The following PADI1 variants were observed in gnomAD, a reference collection of about 807,000 sequenced individuals.
PADI1 encodes the protein protein-arginine deiminase type-1.
PADI1 carries 65 observed loss-of-function variants against 74.8 expected under a neutral mutation model. That is an observed-to-expected ratio of 0.87 (90% CI 0.71 to 1.07). The LOEUF (loss-of-function observed/expected upper bound fraction) is 1.07, where lower values mean the gene tolerates loss of function less well. Among genes scored for constraint, PADI1 ranks in the 50% least tolerant of loss-of-function variants. The pLI is 0.00. For synonymous variants in PADI1, 371 were observed against 336.2 expected (o/e 1.10, Z -1.13); for missense variants, 943 against 854.0 (o/e 1.10, Z -1.30).
chr1:17,233,702 G>A (rs1481161224), intron 11 of PADI1, among the ~76,000 whole-genome samples: 1 of 152,218 alleles, frequency 6.6e-6, no homozygotes, highest in East Asian at 1.9e-4. Flanking sequence ...TCACCTTCCT[G>A]TTTGTGGGGT....
chr1:17,206,025 G>A (rs1013151188), intron 1 of PADI1, among the ~76,000 whole-genome samples: 8 of 152,156 alleles, frequency 5.3e-5, no homozygotes, highest in East Asian at 1.9e-4. Context: ...ATGGGGACTC[G>A]GGGACTCAGC....
chr1:17,229,768 G>A (rs1051099369), intron 8 of PADI1, among the ~76,000 whole-genome samples: 2 of 152,152 alleles, frequency 1.3e-5, no homozygotes, highest in Non-Finnish European at 2.9e-5. Context: ...GGGGCTACCT[G>A]CCCCTCACTG....
chr1:17,230,680 G>C lies in PADI1; in HGVS notation c.1161+1G>C. The C allele has an allele frequency of 2.5e-6, 4 of 1,576,924 alleles. No individual in the cohort carries two copies. Among genetic ancestry groups the C allele is most frequent in the African/African-American group, 1.3e-5 (1 of 74,304 alleles). ...AGATTTCCCCTATAAGAGGATCCTG[G>C]TACGTAGCGACAGGTAGAGTGCAGA... On this transcript the variant is annotated splice_donor_variant, in intron 10 of 15. Coordinates refer to ENST00000375471, the MANE Select transcript of PADI1 (RefSeq NM_013358.3). LOFTEE classifies it high-confidence loss of function.
chr1:17,237,530 C>T (rs2072675225), intron 12 of PADI1, 72 bp downstream of exon 12: 6 of 1,419,164 alleles, frequency 4.2e-6, no homozygotes, highest in Non-Finnish European at 4.8e-6. Context: ...CAGGGCAAAG[C>T]CATCTGGAAC....
At chr1:17,236,387 T>C (rs1051128188) in intron 11 of PADI1, among the ~76,000 whole-genome samples, 11 of 152,182 alleles carry the variant, frequency 7.2e-5, no homozygotes, top group African/African-American at 2.7e-4. Context: ...GTAAAGCATG[T>C]GTGTGGCACA....
In PADI1 at chr1:17,244,140, T is replaced by G. The variant is rs2072832975; in HGVS notation, c.1889T>G (p.Ile630Ser). ...CCTCTGGGCCTGCACTGCATCTTCA[T>G]TGATGACTACTTGTCCTACCACGAG... The part of the protein sequence containing the change: ...LEPLGLHCIF[I>S]DDYLSYHELQ... The change falls in exon 16 of 16, where the codon ATT (isoleucine) becomes AGT (serine). Residue 630 changes from isoleucine to serine, a missense_variant. By Grantham distance (142) the Ile-to-Ser change is moderately radical (BLOSUM62 -2). Transcript: ENST00000375471. 6.2e-7 allele frequency: 1 copy of G among 1,614,210 alleles called. No individual in the cohort carries two copies. The highest frequency in any genetic ancestry group is 1.7e-5 in the Admixed American group (1 of 60,028).
intron 13 of PADI1, 169 bp from the exon 14 acceptor site, chr1:17,239,535 C>T: frequency 1.7e-6 from 1 of 579,788 alleles, no homozygotes; most frequent in Non-Finnish European, 3.2e-6. Flanking sequence ...TCCTTGCAGC[C>T]ATGGCTTGGT....
intron 15 of PADI1, 29 bp downstream of exon 15, chr1:17,240,789 G>T (rs372229039): frequency 6.2e-7 from 1 of 1,605,878 alleles, no homozygotes; most frequent in African/African-American, 1.3e-5. Flanking sequence ...GGTCCTGCTG[G>T]GGGGTCTGCG....
chr1:17,237,316 C>T lies in PADI1; in HGVS notation c.1316C>T (p.Ser439Phe), dbSNP rs2072667768. Residue 439 changes from serine to phenylalanine, a missense_variant and splice_region_variant, in exon 12 of 16, where the codon TCC (serine) becomes TTC (phenylalanine). Physicochemically the swap from Ser to Phe is radical, Grantham distance 155 (BLOSUM62 -2). Coordinates refer to ENST00000375471, the MANE Select transcript of PADI1 (RefSeq NM_013358.3). ...RILIGSSFPK[S>F]GGRQMARAVR... ...CCCGCCCTCTCCCTCCTGGCCAGGT[C>T]CGGTGGGCGGCAGATGGCCAGGGCA... The T allele has an allele frequency of 1.2e-6, 2 of 1,607,590 alleles. No homozygotes were observed. The highest frequency in any genetic ancestry group is 1.7e-6 in the Non-Finnish European group (2 of 1,176,590).
At chr1:17,231,456 C>T (rs575223079) in intron 10 of PADI1, among the ~76,000 whole-genome samples, 40 of 152,278 alleles carry the variant, frequency 2.6e-4, no homozygotes, top group Admixed American at 5.9e-4. Flanking sequence ...ACTGCTGGGA[C>T]GGTGATGGTC....
At chr1:17,222,580 C>T (rs758731537) in intron 2 of PADI1, 110 bp downstream of exon 2, 3 of 835,196 alleles carry the variant, frequency 3.6e-6, no homozygotes, top group Non-Finnish European at 5.9e-6. Flanking sequence ...AACCAAACCT[C>T]ACAAAGCTTA....
rs139052576 is a variant in PADI1, at chr1:17,232,920, C to T, written c.1263C>T (p.Gly421=). The T allele has an allele frequency of 1.8e-3, 2,978 of 1,612,290 alleles. 33 individuals carry two copies. The Admixed American group carries it at 0.024, about 13-fold the overall frequency. The change falls in exon 11 of 16, where the codon GGC becomes GGT. Residue 421 remains glycine, a synonymous_variant. Coordinates refer to ENST00000375471, the MANE Select transcript of PADI1 (RefSeq NM_013358.3). The part of the protein sequence containing the change: ...NLDVSPPVTV[G]GTEYPLGRIL... ...ACGTCAGCCCGCCCGTCACGGTGGG[C>T]GGCACGGAATACCCCCTGGGCCGGA...
Position 17,233,653 on chromosome 1 carries a change from T to C in PADI1, c.1313+683T>C, listed in dbSNP as rs1279748493. ...TCAGGGTCCTGGTGGGTCCCCCTGTTTCCTCCCTGGAGATGACACCCACTG... is the reference window on the plus strand; with the variant it reads ...TCAGGGTCCTGGTGGGTCCCCCTGTCTCCTCCCTGGAGATGACACCCACTG... On this transcript the variant is annotated intron_variant, in intron 11 of 15. Coordinates refer to ENST00000375471, the MANE Select transcript of PADI1 (RefSeq NM_013358.3). 5.9e-5 allele frequency among the ~76,000 whole-genome samples: 9 copies of C among 152,236 alleles called. No homozygotes were observed. The East Asian group carries it at 1.7e-3, about 29-fold the overall frequency.
chr1:17,205,339 C>A (rs776290104), intron 1 of PADI1, 30 bp downstream of exon 1: 10 of 1,556,270 alleles, frequency 6.4e-6, no homozygotes, highest in Non-Finnish European at 8.9e-6. Context: ...CTCCTGGCTG[C>A]AGAGAGCTGG....
rs1366117848 is a variant in PADI1, at chr1:17,226,072, G to T, written c.566G>T (p.Gly189Val). 6.2e-7 allele frequency: 1 copy of T among 1,614,150 alleles called. No individual in the cohort carries two copies. Among genetic ancestry groups the T allele is most frequent in the East Asian group, 2.2e-5 (1 of 44,884 alleles). The change falls in exon 6 of 16, where the codon GGC (glycine) becomes GTC (valine). Residue 189 changes from glycine (G) to valine (V), a missense_variant. By Grantham distance (109) the Gly-to-Val change is moderately radical. Transcript: ENST00000375471. ...DMSPMLLSCN[G>V]PDKLFDSHKL... ...TCCCCAATGCTGCTGAGCTGCAATG[G>T]CCCCGACAAGCTCTTCGACAGCCAC...
intron 4 of PADI1, 107 bp downstream of exon 4, chr1:17,224,535 C>T (rs1557464453): frequency 1.1e-6 from 1 of 879,836 alleles, no homozygotes; most frequent in East Asian, 2.6e-5. Context: ...TCCCCAGGGT[C>T]TGTAGTATCC....
Position 17,232,903 on chromosome 1 carries a change from C to A in PADI1, c.1246C>A (p.Pro416Thr). 6.2e-7 allele frequency: 1 copy of A among 1,613,314 alleles called. No individual in the cohort carries two copies. Among genetic ancestry groups the A allele is most frequent in the Non-Finnish European group, 8.5e-7 (1 of 1,179,902 alleles). Residue 416 changes from proline to threonine, a missense_variant, in exon 11 of 16, where the codon CCG becomes ACG. Physicochemically the swap from Pro to Thr is conservative, Grantham distance 38. Coordinates refer to ENST00000375471, the MANE Select transcript of PADI1 (RefSeq NM_013358.3). ...LDSFGNLDVS[P>T]PVTVGGTEYP... The stretch of plus-strand genomic sequence containing the variant: ...CTCCTTCGGCAACCTGGACGTCAGC[C>A]CGCCCGTCACGGTGGGCGGCACGGA...
At chr1:17,225,674 C>A in intron 4 of PADI1, 137 bp from the exon 5 acceptor site, 1 of 682,130 alleles carries the variant, frequency 1.5e-6, no homozygotes. Context: ...CCCAAATAAT[C>A]CTTTTTAAAA....
chr1:17,233,338 A>G (rs1417334093), intron 11 of PADI1, among the ~76,000 whole-genome samples: 2 of 152,064 alleles, frequency 1.3e-5, no homozygotes, highest in Non-Finnish European at 2.9e-5. Flanking sequence ...AGAGGAATAG[A>G]CTCATTGACT....
Sources: allele counts gnomAD v4.1 joint callset (sites outside exome capture counted in the v4.1 genomes callset), GRCh38; gene constraint gnomAD v4.1.1; transcripts MANE v1.5; gene names NCBI Gene and HGNC (gene_info 2026-07-23, HGNC 2026-07-21).